The following CDH19 variants were observed in gnomAD, a reference collection of about 807,000 sequenced individuals.
The protein encoded by CDH19 is cadherin 19, also known as cadherin-19.
Under a neutral mutation model 64.2 loss-of-function variants are expected in CDH19, and 67 were observed. The observed-to-expected ratio is 1.04, with a 90% CI of 0.86 to 1.28. The LOEUF is 1.28. Among genes scored for constraint, CDH19 ranks in the 50% most tolerant of loss-of-function variants. CDH19 has a pLI of 0.00. For missense variants in CDH19, 1,030 were observed against 929.0 expected (o/e 1.11, Z -1.41); for synonymous variants, 346 against 319.3 (o/e 1.08, Z -0.89).
intron 8 of CDH19, among the ~76,000 whole-genome samples, chr18:66,534,151 T>C (rs1259811298): frequency 1.3e-5 from 2 of 151,948 alleles, no homozygotes; most frequent in Non-Finnish European, 2.9e-5. Context: ...GCATTTAAAA[T>C]AAACATCTTT....
At chr18:66,590,896 T>A (rs925334754) in intron 1 of CDH19, among the ~76,000 whole-genome samples, 7 of 151,994 alleles carry the variant, frequency 4.6e-5, no homozygotes, top group African/African-American at 1.7e-4. Context: ...ATTTTGCGGG[T>A]CTGTATCTTC....
chr18:66,566,253 T>C (rs1568200888), intron 3 of CDH19, among the ~76,000 whole-genome samples: 1 of 151,276 alleles, frequency 6.6e-6, no homozygotes, highest in African/African-American at 2.4e-5. Flanking sequence ...GTCCCTTCTA[T>C]AAGTACAATG....
At chr18:66,534,114 C>T (rs539554016) in intron 8 of CDH19, among the ~76,000 whole-genome samples, 1 of 151,684 alleles carries the variant, frequency 6.6e-6, no homozygotes, top group Admixed American at 6.6e-5. Context: ...AAAAATTGTT[C>T]TCAGAAATAC....
Position 66,551,178 on chromosome 18 carries a change from CA to C in CDH19, c.690del (p.Ile230MetfsTer14). 1 of 1,601,970 alleles carries C rather than the reference CA, an allele frequency of 6.2e-7. No individual in the cohort carries two copies. Among genetic ancestry groups the C allele is most frequent in the Non-Finnish European group, 8.6e-7 (1 of 1,169,324 alleles). On this transcript the variant is annotated frameshift_variant, in exon 5 of 12. Transcript: ENST00000262150. LOFTEE classifies it high-confidence loss of function. ...YWVIIQAKDMIGQPGALSGTT... is the reference protein window; with the variant it reads ...YWVIIQAKDMXGQPGALSGTT... ...GTTCCAGACAACGCTCCTGGCTGACCAATCATGTCCTTGGCTTGAATGATTA... is the reference window on the plus strand; with the variant it reads ...GTTCCAGACAACGCTCCTGGCTGACCATCATGTCCTTGGCTTGAATGATTA...
intron 8 of CDH19, chr18:66,532,436 G>C (rs2144427372): frequency 5.9e-6 from 1 of 170,748 alleles, no homozygotes; most frequent in Non-Finnish European, 1.2e-5. Context: ...CCTTGTACTT[G>C]TTGAAAGCAA....
rs1259222628 is a variant in CDH19, at chr18:66,529,885, T to G, written c.1418A>C (p.Tyr473Ser). Residue 473 changes from tyrosine (Y) to serine (S), a missense_variant, in exon 9 of 12, where the codon TAC (tyrosine) becomes TCC (serine). Physicochemically the swap from Tyr to Ser is moderately radical, Grantham distance 144. Transcript: ENST00000262150. ...ATTTTCACAAACATAAGTCTCATAG[T>G]ATTGAGAGAACTCAGGAGCATGATC... ...INDHAPEFSQ[Y>S]YETYVCENAG... The G allele has an allele frequency of 6.3e-7, 1 of 1,594,674 alleles. No individual in the cohort carries two copies. Among genetic ancestry groups the G allele is most frequent in the South Asian group, 1.1e-5 (1 of 89,514 alleles).
rs552637156 is a variant in CDH19, at chr18:66,509,749, C to A, written c.1577-503G>T. 1.4e-4 allele frequency among the ~76,000 whole-genome samples: 21 copies of A among 151,740 alleles called. 1 individual carries two copies. Among genetic ancestry groups the A allele is most frequent in the Admixed American group, 9.9e-4 (15 of 15,162 alleles). Reference sequence around the variant, plus strand: ...TAATACTTGTGACCCATTATTTGTACAAATCCAGGGAATATACAAGACTTT... The same window carrying A: ...TAATACTTGTGACCCATTATTTGTAAAAATCCAGGGAATATACAAGACTTT... On this transcript the variant is annotated intron_variant, in intron 10 of 11. Coordinates refer to ENST00000262150, the MANE Select transcript of CDH19 (RefSeq NM_021153.4).
intron 9 of CDH19, among the ~76,000 whole-genome samples, chr18:66,523,948 G>A (rs542025456): frequency 3.3e-5 from 5 of 151,930 alleles, no homozygotes; most frequent in Admixed American, 2.6e-4. Context: ...TGTGCACAGC[G>A]CAGGACCTTG....
chr18:66,516,010 A>G (rs1048119259), intron 9 of CDH19, among the ~76,000 whole-genome samples: 2 of 151,920 alleles, frequency 1.3e-5, no homozygotes, highest in African/African-American at 4.8e-5. Context: ...TACCCAAATT[A>G]CATTTTAAAA....
Position 66,567,460 on chromosome 18 carries a change from T to C in CDH19, c.490+956A>G, listed in dbSNP as rs74845930. 7.1e-3 allele frequency among the ~76,000 whole-genome samples: 1,077 copies of C among 151,926 alleles called. 8 individuals carry two copies. Among genetic ancestry groups the C allele is most frequent in the African/African-American group, 0.024 (1,002 of 41,514 alleles). On this transcript the variant is annotated intron_variant, in intron 3 of 11. Coordinates refer to ENST00000262150, the MANE Select transcript of CDH19 (RefSeq NM_021153.4). ...GTGCTATTTACATCTCATAATAATT[T>C]GTCTTGATATATATTACACAGGCAA...
At chr18:66,565,650 G>A (rs1482186563) in intron 3 of CDH19, among the ~76,000 whole-genome samples, 1 of 151,860 alleles carries the variant, frequency 6.6e-6, no homozygotes, top group African/African-American at 2.4e-5. Flanking sequence ...GAGGAAAAAA[G>A]ATAAATCACA....
At chr18:66,551,631 G>C (rs1987348006) in intron 4 of CDH19, among the ~76,000 whole-genome samples, 1 of 151,958 alleles carries the variant, frequency 6.6e-6, no homozygotes, top group African/African-American at 2.4e-5. Context: ...ATTATTGATA[G>C]ATTTGTAAAT....
At position 66,535,006 on chromosome 18, in the gene CDH19, C is replaced by T; in HGVS notation, c.1316G>A (p.Ser439Asn). The part of the protein sequence containing the change: ...DREISAWYNL[S>N]ITATEKYNIE... ...CTTACATTTTTCTGTGGCTGTAATACTTAGGTTGTACCAAGCACTGATTTC... is the reference window on the plus strand; with the variant it reads ...CTTACATTTTTCTGTGGCTGTAATATTTAGGTTGTACCAAGCACTGATTTC... The change falls in exon 8 of 12, where the codon AGT becomes AAT. Residue 439 changes from serine (S) to asparagine (N), a missense_variant. Physicochemically the swap from Ser to Asn is conservative, Grantham distance 46. Transcript: ENST00000262150. 2.0e-6 allele frequency: 3 copies of T among 1,477,216 alleles called. No homozygotes were observed. Among genetic ancestry groups the T allele is most frequent in the Non-Finnish European group, 1.8e-6 (2 of 1,095,204 alleles). The allele number at this position is 1,477,216 out of a possible 1,614,324, so 91.5% of individuals were successfully genotyped here.
At chr18:66,541,919 A>G (rs1986902036) in intron 7 of CDH19, among the ~76,000 whole-genome samples, 1 of 152,286 alleles carries the variant, frequency 6.6e-6, no homozygotes, top group East Asian at 1.9e-4. Context: ...TTTCACATGT[A>G]GTAAGCATGC....
intron 1 of CDH19, among the ~76,000 whole-genome samples, chr18:66,581,335 A>C (rs1210271334): frequency 6.6e-6 from 1 of 152,144 alleles, no homozygotes; most frequent in African/African-American, 2.4e-5. Context: ...GCCAAGTAAA[A>C]TTGCGAGTAT....
At chr18:66,534,422 G>A (rs1336619005) in intron 8 of CDH19, among the ~76,000 whole-genome samples, 2 of 151,882 alleles carry the variant, frequency 1.3e-5, no homozygotes, top group Non-Finnish European at 2.9e-5. Context: ...AACAAAGAGT[G>A]AAGAAAGGAA....
chr18:66,528,402 G>T (rs191785389), intron 9 of CDH19, among the ~76,000 whole-genome samples: 133 of 152,102 alleles, frequency 8.7e-4, no homozygotes, highest in African/African-American at 3.1e-3. Flanking sequence ...GTTCAATTTT[G>T]GTTCTAGGGA....
At chr18:66,585,589 T>A (rs1988554431) in intron 1 of CDH19, among the ~76,000 whole-genome samples, 1 of 152,142 alleles carries the variant, frequency 6.6e-6, no homozygotes, top group Non-Finnish European at 1.5e-5. Flanking sequence ...AAGAGTTAAA[T>A]GTTTTTAGTG....
intron 9 of CDH19, among the ~76,000 whole-genome samples, chr18:66,529,574 TATAA>T (rs1296685069): frequency 6.8e-6 from 1 of 146,556 alleles, no homozygotes; most frequent in Non-Finnish European, 1.5e-5. Context: ...ATGTAATTAA[TATAA>T]ATAGAATAAA....
Sources: gnomAD v4.1 joint callset for allele counts (sites outside exome capture counted in the v4.1 genomes callset) on GRCh38, gnomAD v4.1.1 for gene constraint, MANE v1.5 for transcripts, NCBI Gene and HGNC (gene_info 2026-07-23, HGNC 2026-07-21) for gene names.